Variants in SOCS7 observed in about 807,000 individuals in gnomAD.
SOCS7 encodes the protein suppressor of cytokine signaling 7.
Under a neutral mutation model 58.9 loss-of-function variants are expected in SOCS7, and 18 were observed. That is an observed-to-expected ratio of 0.31 (90% CI 0.21 to 0.45). SOCS7 has a LOEUF of 0.45. Ranked by LOEUF, SOCS7 falls within the 20% of genes least tolerant of loss-of-function variation. The pLI, the probability that SOCS7 is intolerant of heterozygous loss-of-function variation, is 1.00. For synonymous variants in SOCS7, 388 were observed against 364.3 expected, an observed-to-expected ratio of 1.06 and a Z score of -0.74; for missense variants, 667 against 837.3, an observed-to-expected ratio of 0.80 and a Z score of 2.51.
intron 9 of SOCS7, 99 bp downstream of exon 9, chr17:38,396,097 A>C (rs2038241870): frequency 1.0e-6 from 1 of 985,948 alleles, no homozygotes; most frequent in Non-Finnish European, 1.4e-6. Flanking sequence ...CCCAACATGG[A>C]TAGCCCCGAT....
intron 2 of SOCS7, among the ~76,000 whole-genome samples, chr17:38,362,309 C>A (rs773859220): frequency 5.5e-4 from 84 of 152,176 alleles, no homozygotes; most frequent in Non-Finnish European, 9.7e-4. Context: ...TGCCCTCTTG[C>A]AGCAGGGAAC....
intron 7 of SOCS7, among the ~76,000 whole-genome samples, chr17:38,390,682 T>TCCTC (rs2038160406): frequency 6.7e-6 from 1 of 149,932 alleles, no homozygotes; most frequent in African/African-American, 2.5e-5. Context: ...CTTCCTTCCT[T>TCCTC]CCTTCCTTCC....
In SOCS7 at chr17:38,403,835, A is replaced by G. The variant is rs1259832210; in HGVS notation, c.*4353A>G. On this transcript the variant is annotated 3_prime_UTR_variant, in exon 10 of 10. Coordinates refer to ENST00000612932, the MANE Select transcript of SOCS7 (RefSeq NM_014598.4). The stretch of plus-strand genomic sequence containing the variant: ...AATGGATAAGTGATTTTTATCTCTA[A>G]TCGTCAACACAGCTGTTCTTCCACT... 2 of 152,158 alleles carry G rather than the reference A, an allele frequency of 1.3e-5. No individual in the cohort carries two copies. The highest frequency in any genetic ancestry group is 2.9e-5 in the Non-Finnish European group (2 of 68,032). 9.4% of individuals were successfully genotyped at this position (152,158 alleles called of 1,614,324 possible).
intron 7 of SOCS7, among the ~76,000 whole-genome samples, chr17:38,378,770 G>A (rs921188543): frequency 6.6e-6 from 1 of 152,192 alleles, no homozygotes; most frequent in East Asian, 1.9e-4. Flanking sequence ...ATAATCTGTG[G>A]AGGGCAAGAG....
intron 5 of SOCS7, among the ~76,000 whole-genome samples, chr17:38,366,775 C>G (rs772399243): frequency 9.9e-5 from 15 of 152,116 alleles, no homozygotes; most frequent in Non-Finnish European, 2.1e-4. Flanking sequence ...GGATTATAGG[C>G]GTAAGCCACC....
intron 6 of SOCS7, among the ~76,000 whole-genome samples, chr17:38,370,512 A>C (rs993319630): frequency 1.4e-5 from 2 of 146,934 alleles, no homozygotes; most frequent in Admixed American, 6.8e-5. Flanking sequence ...AATTTAAAAA[A>C]ATTTTTTTAG....
Position 38,367,974 on chromosome 17 carries a change from T to C in SOCS7, c.1476T>C (p.Ser492=). 6.2e-7 allele frequency: 1 copy of C among 1,614,180 alleles called. No homozygotes were observed. The highest frequency in any genetic ancestry group is 8.5e-7 in the Non-Finnish European group (1 of 1,179,994). The change falls in exon 6 of 10, where the codon TCT becomes TCC. Residue 492 remains serine, a synonymous_variant. Transcript: ENST00000612932. The part of the protein sequence containing the change: ...PDGSFLVRDS[S]DPRYILSLSF... ...GTTCTTTCCTGGTACGAGACAGTTC[T>C]GATCCTCGTTACATCCTGAGCCTCA...
chr17:38,367,770 G>T, intron 5 of SOCS7, 112 bp from the exon 6 acceptor site: 1 of 942,240 alleles, frequency 1.1e-6, no homozygotes, highest in South Asian at 1.7e-5. Context: ...TTTACCTATT[G>T]AAATATTTTG....
In SOCS7 at chr17:38,403,977, A is replaced by G. The variant is rs1262167128; in HGVS notation, c.*4495A>G. 2.0e-5 allele frequency: 3 copies of G among 152,092 alleles called. No individual in the cohort carries two copies. The East Asian group carries it at 5.8e-4, about 29-fold the overall frequency. 9.4% of individuals were successfully genotyped at this position (152,092 alleles called of 1,614,324 possible). On this transcript the variant is annotated 3_prime_UTR_variant, in exon 10 of 10. Transcript: ENST00000612932. ...GTAAAACCTTTTTTATTAAAAAAAGAAAAAGAAAAAAAAAAGAAAGAAAAG... is the reference window on the plus strand; with the variant it reads ...GTAAAACCTTTTTTATTAAAAAAAGGAAAAGAAAAAAAAAAGAAAGAAAAG...
intron 6 of SOCS7, among the ~76,000 whole-genome samples, chr17:38,370,056 G>T (rs915985849): frequency 2.0e-5 from 3 of 152,190 alleles, no homozygotes; most frequent in Non-Finnish European, 2.9e-5. Context: ...CTCCCAAAGT[G>T]CTGGGATTAC....
intron 2 of SOCS7, 48 bp from the exon 3 acceptor site, chr17:38,364,704 C>T: frequency 2.0e-6 from 3 of 1,516,526 alleles, no homozygotes; most frequent in African/African-American, 1.4e-5. Context: ...TCTGCATCAG[C>T]TTTGGGCAAG....
intron 6 of SOCS7, among the ~76,000 whole-genome samples, chr17:38,373,115 AAAAG>A (rs1185205324): frequency 5.4e-5 from 8 of 147,792 alleles, no homozygotes; most frequent in African/African-American, 1.3e-4. Context: ...TCAAAAAAAA[AAAAG>A]AAAAGAAAAG....
At position 38,352,748 on chromosome 17, in the gene SOCS7, C is replaced by T. The variant is rs748619711; in HGVS notation, c.696C>T (p.Asp232=). Residue 232 remains aspartate (D), a synonymous_variant, in exon 1 of 10, where the codon GAC becomes GAT. Transcript: ENST00000612932. This position sits in a 1 kb window ranked among gnomAD's most constrained non-coding sequence, Gnocchi z 5.5. The part of the protein sequence containing the change: ...ELPPVPFPLQ[D]LVPLGRLSRG... ...CTCCGGTGCCCTTCCCGCTGCAGGA[C>T]TTGGTCCCTCTGGGGCGCCTGAGTA... is the stretch of plus-strand genomic sequence containing the variant. 8 of 1,550,058 alleles carry T rather than the reference C, an allele frequency of 5.2e-6. No homozygotes were observed. The highest frequency in any genetic ancestry group is 7.0e-6 in the Non-Finnish European group (8 of 1,147,008).
intron 7 of SOCS7, among the ~76,000 whole-genome samples, chr17:38,388,224 A>G (rs990905555): frequency 8.6e-5 from 13 of 151,894 alleles, no homozygotes; most frequent in Non-Finnish European, 1.6e-4. Flanking sequence ...CTTTATTGAG[A>G]TATAATTCAC....
At chr17:38,393,879 G>T (rs938253101) in intron 7 of SOCS7, among the ~76,000 whole-genome samples, 1 of 152,052 alleles carries the variant, frequency 6.6e-6, no homozygotes, top group East Asian at 1.9e-4. Flanking sequence ...CAGCCTGGGC[G>T]ACAGAGCAAG....
At chr17:38,396,031 T>C in intron 9 of SOCS7, 33 bp downstream of exon 9, 1 of 1,526,462 alleles carries the variant, frequency 6.6e-7, no homozygotes, top group Non-Finnish European at 8.7e-7. Flanking sequence ...CCCAGCCACA[T>C]TTCTTCCTGG....
At chr17:38,371,297 CGGA>C (rs1567741760) in intron 6 of SOCS7, among the ~76,000 whole-genome samples, 2 of 147,012 alleles carry the variant, frequency 1.4e-5, no homozygotes, top group African/African-American at 2.6e-5. Flanking sequence ...TTTTTTGAGA[CGGA>C]GTCTCGCTTT....
intron 7 of SOCS7, 145 bp downstream of exon 7, chr17:38,377,987 G>T (rs926936858): frequency 4.3e-6 from 3 of 703,054 alleles, no homozygotes; most frequent in African/African-American, 3.6e-5. Context: ...GAGTCCCATG[G>T]TTAATCCCCT....
chr17:38,389,905 A>ATGTG (rs2038145282), intron 7 of SOCS7, among the ~76,000 whole-genome samples: 3 of 107,076 alleles, frequency 2.8e-5, no homozygotes, highest in South Asian at 2.8e-4. Context: ...ATATACACAT[A>ATGTG]TAGAGAGAGA....
Sources: gnomAD v4.1 joint callset for allele counts (sites outside exome capture counted in the v4.1 genomes callset) on GRCh38, gnomAD v4.1.1 for gene constraint, Gnocchi (gnomAD v3.1) non-coding constraint, MANE v1.5 for transcripts, NCBI Gene and HGNC (gene_info 2026-07-23, HGNC 2026-07-21) for gene names.